Variants in SLC16A10 observed in about 807,000 individuals in gnomAD.
The protein encoded by SLC16A10 is monocarboxylate transporter 10.
In SLC16A10, 27 loss-of-function variants were observed where a neutral mutation model predicts 40.0. That is an observed-to-expected ratio of 0.67 (90% CI 0.50 to 0.93). The LOEUF is 0.93. Ranked by LOEUF, SLC16A10 falls within the 40% of genes least tolerant of loss-of-function variation. The probability of loss-of-function intolerance (pLI) is 0.00; values close to 1 mark genes in which losing one functional copy is unlikely to be tolerated. For synonymous variants in SLC16A10, 213 were observed against 249.8 expected, an observed-to-expected ratio of 0.85 and a Z score of 1.39; for missense variants, 529 against 658.2, an observed-to-expected ratio of 0.80 and a Z score of 2.15.
In SLC16A10 at chr6:111,222,094, C is replaced by T. The variant is rs1265649491; in HGVS notation, c.1407C>T (p.Ile469=). Residue 469 remains isoleucine, a synonymous_variant, in exon 6 of 6, where the codon ATC becomes ATT. Transcript: ENST00000368851. ...TTGGAGGTGCTGTGCTTTGTTTTAT[C>T]CCGTGGATCCATAGTAAGAAGCAAA... is the stretch of plus-strand genomic sequence containing the variant. ...PLIGGAVLCF[I]PWIHSKKQRE... The T allele has an allele frequency of 6.2e-7, 1 of 1,608,522 alleles. No individual in the cohort carries two copies. The highest frequency in any genetic ancestry group is 1.1e-5 in the South Asian group (1 of 89,926).
At chr6:111,101,017 T>TATAA (rs1554255645) in intron 1 of SLC16A10, among the ~76,000 whole-genome samples, 2 of 114,134 alleles carry the variant, frequency 1.8e-5, no homozygotes, top group Non-Finnish European at 3.7e-5. Context: ...TATATATATA[T>TATAA]AAATATATGT....
rs1014659908 is a variant in SLC16A10 at position 111,224,955 on chromosome 6, A to G, written c.*2720A>G. On this transcript the variant is annotated 3_prime_UTR_variant, in exon 6 of 6. Transcript: ENST00000368851. Reference sequence around the variant, plus strand: ...TTTGATAAGACTCAGAAAATTCTCAAATTCGAAAGGTTCTGGCATTTGAGG... The same window carrying G: ...TTTGATAAGACTCAGAAAATTCTCAGATTCGAAAGGTTCTGGCATTTGAGG... 4 of 152,168 alleles carry G rather than the reference A, an allele frequency of 2.6e-5. No homozygotes were observed. Among genetic ancestry groups the G allele is most frequent in the African/African-American group, 9.7e-5 (4 of 41,428 alleles). 9.4% of individuals were successfully genotyped at this position (152,168 alleles called of 1,614,324 possible). A position where few individuals can be genotyped will look rare whatever the true frequency, so the allele number is the denominator to read the frequency against.
chr6:111,227,734 C>T lies in SLC16A10; in HGVS notation c.*5499C>T, dbSNP rs1427762822. ...CAGATATAAAATAACATGAGGCTAC[C>T]TCATTTTTGAAATAGATTTCAATAT... is the stretch of plus-strand genomic sequence containing the variant. On this transcript the variant is annotated 3_prime_UTR_variant, in exon 6 of 6. Transcript: ENST00000368851. 2.0e-5 allele frequency: 3 copies of T among 152,032 alleles called. No homozygotes were observed. Among genetic ancestry groups the T allele is most frequent in the Non-Finnish European group, 4.4e-5 (3 of 68,018 alleles). The allele number at this position is 152,032 out of a possible 1,614,324, so 9.4% of individuals were successfully genotyped here.
intron 3 of SLC16A10, among the ~76,000 whole-genome samples, chr6:111,182,591 A>G (rs1772819387): frequency 6.6e-6 from 1 of 152,126 alleles, no homozygotes; most frequent in Admixed American, 6.5e-5. Context: ...ATTCTGGTCC[A>G]GACCTTTTCC....
rs1771094181 is a variant in SLC16A10, at chr6:111,230,462, G to A, written c.*8227G>A. ...GTAACTAATGATAACACTTTTCTAC[G>A]TTAACATGAGTTATATTTGGCAGAG... is the stretch of plus-strand genomic sequence containing the variant. On this transcript the variant is annotated 3_prime_UTR_variant, in exon 6 of 6. Coordinates refer to ENST00000368851, the MANE Select transcript of SLC16A10 (RefSeq NM_018593.5). The A allele has an allele frequency of 1.3e-5, 2 of 152,080 alleles. No individual in the cohort carries two copies. Among genetic ancestry groups the A allele is most frequent in the African/African-American group, 2.4e-5 (1 of 41,424 alleles). The allele number at this position is 152,080 out of a possible 1,614,324, so 9.4% of individuals were successfully genotyped here. A position where few individuals can be genotyped will look rare whatever the true frequency, so the allele number is the denominator to read the frequency against.
chr6:111,131,460 C>G (rs917319487), intron 1 of SLC16A10, among the ~76,000 whole-genome samples: 3 of 152,206 alleles, frequency 2.0e-5, no homozygotes, highest in Non-Finnish European at 4.4e-5. Flanking sequence ...GCTCTAAGAA[C>G]AAGGACCCCC....
chr6:111,195,632 G>A (rs1773067298), intron 3 of SLC16A10, among the ~76,000 whole-genome samples: 1 of 152,160 alleles, frequency 6.6e-6, no homozygotes, highest in Admixed American at 6.5e-5. Context: ...TGCCTAAATG[G>A]TGAACCAAAT....
chr6:111,211,192 G>T (rs1315637463), intron 4 of SLC16A10, among the ~76,000 whole-genome samples: 1 of 152,082 alleles, frequency 6.6e-6, no homozygotes, highest in African/African-American at 2.4e-5. Context: ...CCAGGTGAGA[G>T]ATGATGGACT....
rs536608082 is a variant in SLC16A10, at chr6:111,177,108, A to G, written c.489-104A>G. 2.3e-4 allele frequency: 184 copies of G among 788,104 alleles called. No homozygotes were observed. The African/African-American group carries it at 3.0e-3, about 13-fold the overall frequency. 48.8% of individuals were successfully genotyped at this position (788,104 alleles called of 1,614,324 possible). A position where few individuals can be genotyped will look rare whatever the true frequency, so the allele number is the denominator to read the frequency against. On this transcript the variant is annotated intron_variant, in intron 2 of 5. Coordinates refer to ENST00000368851, the MANE Select transcript of SLC16A10 (RefSeq NM_018593.5). Reference sequence around the variant, plus strand: ...TTTGGTTAACTTTTACTTGTAGAAAATATGTTGATGAACAAAAACCCACTT... The same window carrying G: ...TTTGGTTAACTTTTACTTGTAGAAAGTATGTTGATGAACAAAAACCCACTT...
At chr6:111,130,775 C>T (rs969016600) in intron 1 of SLC16A10, among the ~76,000 whole-genome samples, 2 of 152,134 alleles carry the variant, frequency 1.3e-5, no homozygotes, top group African/African-American at 4.8e-5. Context: ...GTAGCTTTTC[C>T]CTACCATAAT....
intron 1 of SLC16A10, among the ~76,000 whole-genome samples, chr6:111,143,448 A>T (rs1772020452): frequency 6.6e-6 from 1 of 152,092 alleles, no homozygotes. Flanking sequence ...GTAGTGATGC[A>T]GTCATAGCTC....
intron 3 of SLC16A10, among the ~76,000 whole-genome samples, chr6:111,178,887 TTAAGG>T (rs1420313770): frequency 5.3e-5 from 8 of 152,246 alleles, no homozygotes; most frequent in Non-Finnish European, 7.3e-5. Context: ...CCGAACCAAC[TTAAGG>T]TAAGTTTCCT....
intron 3 of SLC16A10, among the ~76,000 whole-genome samples, chr6:111,195,280 A>C (rs1209160070): frequency 6.6e-6 from 1 of 152,218 alleles, no homozygotes; most frequent in Non-Finnish European, 1.5e-5. Context: ...CTCCAGGCAC[A>C]AAAGCACGAA....
chr6:111,106,735 A>G (rs1254987502), intron 1 of SLC16A10, among the ~76,000 whole-genome samples: 1 of 152,234 alleles, frequency 6.6e-6, no homozygotes, highest in African/African-American at 2.4e-5. Flanking sequence ...AATAGAAACT[A>G]GTTGCCTTCA....
At chr6:111,150,447 A>G (rs1772153499) in intron 1 of SLC16A10, among the ~76,000 whole-genome samples, 1 of 152,196 alleles carries the variant, frequency 6.6e-6, no homozygotes, top group African/African-American at 2.4e-5. Context: ...TGTACATTTT[A>G]AATCCCAGAT....
intron 4 of SLC16A10, among the ~76,000 whole-genome samples, chr6:111,210,895 C>T (rs1484763971): frequency 6.6e-6 from 1 of 151,974 alleles, no homozygotes. Context: ...TGGTGGCACG[C>T]GTCTGTAGTC....
intron 1 of SLC16A10, among the ~76,000 whole-genome samples, chr6:111,120,063 A>G (rs1317073508): frequency 6.6e-6 from 1 of 152,276 alleles, no homozygotes. Flanking sequence ...AAGTGTGGTC[A>G]TGACTAATGT....
At position 111,205,498 on chromosome 6, in the gene SLC16A10, A is replaced by AG. The variant is rs34467757; in HGVS notation, c.943-1093dup. ...GGAGGAGAAAGGTCCTTTAAAAAAAAGAAAGCTAAAATTAATACCTGATTG... is the reference window on the plus strand; with the variant it reads ...GGAGGAGAAAGGTCCTTTAAAAAAAAGGAAAGCTAAAATTAATACCTGATTG... On this transcript the variant is annotated intron_variant, in intron 3 of 5. Transcript: ENST00000368851. 3.7e-3 allele frequency among the ~76,000 whole-genome samples: 570 copies of AG among 152,358 alleles called. 1 individual carries two copies. Among genetic ancestry groups the AG allele is most frequent in the Non-Finnish European group, 6.6e-3 (446 of 68,036 alleles).
At chr6:111,106,392 G>A (rs1211759469) in intron 1 of SLC16A10, among the ~76,000 whole-genome samples, 1 of 152,030 alleles carries the variant, frequency 6.6e-6, no homozygotes, top group East Asian at 1.9e-4. Flanking sequence ...ACTTTGATTA[G>A]GAAACAAATA....
Sources: gnomAD v4.1 joint callset for allele counts (sites outside exome capture counted in the v4.1 genomes callset) on GRCh38, gnomAD v4.1.1 for gene constraint, MANE v1.5 for transcripts, NCBI Gene and HGNC (gene_info 2026-07-23, HGNC 2026-07-21) for gene names.